Variants in BTBD7 observed in about 807,000 individuals in gnomAD.
BTBD7 encodes BTB/POZ domain-containing protein 7.
Under a neutral mutation model 99.9 loss-of-function variants are expected in BTBD7, and 38 were observed. That is an observed-to-expected ratio of 0.38 (90% CI 0.29 to 0.50). The LOEUF (loss-of-function observed/expected upper bound fraction) is 0.50. Ranked by LOEUF, BTBD7 falls within the 20% of genes least tolerant of loss-of-function variation. BTBD7 has a pLI of 0.93. For synonymous variants in BTBD7, 520 were observed against 511.4 expected (o/e 1.02, Z -0.23); for missense variants, 1,170 against 1,394.6 (o/e 0.84, Z 2.57).
intron 3 of BTBD7, among the ~76,000 whole-genome samples, chr14:93,267,477 C>T (rs757730652): frequency 6.6e-6 from 1 of 152,170 alleles, no homozygotes; most frequent in Non-Finnish European, 1.5e-5. Context: ...GTACCTAAGC[C>T]GAGTACCATG....
intron 1 of BTBD7, among the ~76,000 whole-genome samples, chr14:93,316,142 T>C (rs1289878343): frequency 5.3e-5 from 8 of 151,716 alleles, no homozygotes; most frequent in Non-Finnish European, 7.4e-5. Context: ...TTAGTAGAGA[T>C]AGGGTTTCAC....
intron 9 of BTBD7, among the ~76,000 whole-genome samples, chr14:93,247,489 G>T (rs2052326337): frequency 6.6e-6 from 1 of 152,126 alleles, no homozygotes; most frequent in Non-Finnish European, 1.5e-5. Flanking sequence ...GGGACTACAG[G>T]CCCACGCCAC....
At chr14:93,300,770 GTGTATATATA>G (rs2052992298) in intron 1 of BTBD7, among the ~76,000 whole-genome samples, 1 of 36,318 alleles carries the variant, frequency 2.8e-5, no homozygotes, top group Non-Finnish European at 4.8e-5. Flanking sequence ...GTGTGTGTGT[GTGTATATATA>G]TATATATTTT....
At chr14:93,252,991 T>A (rs758651219) in intron 7 of BTBD7, among the ~76,000 whole-genome samples, 3 of 152,102 alleles carry the variant, frequency 2.0e-5, no homozygotes, top group Non-Finnish European at 4.4e-5. Context: ...ACTGGCTAAA[T>A]TTTTCCTTTT....
chr14:93,318,596 T>C (rs1278348546), intron 1 of BTBD7, among the ~76,000 whole-genome samples: 1 of 152,172 alleles, frequency 6.6e-6, no homozygotes, highest in Non-Finnish European at 1.5e-5. Context: ...GAAATGCTGA[T>C]GATTTGGGGG....
intron 4 of BTBD7, among the ~76,000 whole-genome samples, chr14:93,262,463 C>T (rs1342183395): frequency 6.6e-6 from 1 of 152,096 alleles, no homozygotes; most frequent in East Asian, 1.9e-4. Flanking sequence ...TGGTCTCGTA[C>T]TTCCGGGCTC....
At chr14:93,251,359 A>C (rs1047777735) in intron 8 of BTBD7, 104 bp downstream of exon 8, 96 of 1,211,370 alleles carry the variant, frequency 7.9e-5, no homozygotes, top group Non-Finnish European at 1.0e-4. Context: ...AAAAGTATTG[A>C]AATGTGGAGA....
intron 1 of BTBD7, among the ~76,000 whole-genome samples, chr14:93,328,650 G>A (rs1003202930): frequency 3.4e-5 from 5 of 148,260 alleles, no homozygotes; most frequent in African/African-American, 9.9e-5. Context: ...TGGGCACAGT[G>A]GCTCACACCT....
intron 1 of BTBD7, among the ~76,000 whole-genome samples, chr14:93,312,816 A>G (rs2053153707): frequency 1.3e-5 from 2 of 152,222 alleles, no homozygotes; most frequent in Admixed American, 1.3e-4. Context: ...TCTCCCGTCC[A>G]GCCCACTGCC....
At chr14:93,328,790 C>T (rs146460247) in intron 1 of BTBD7, among the ~76,000 whole-genome samples, 1 of 152,126 alleles carries the variant, frequency 6.6e-6, no homozygotes, top group East Asian at 1.9e-4. Context: ...TGGATGTACG[C>T]ACCTGTAGTC....
chr14:93,326,680 C>T (rs1331562552), intron 1 of BTBD7, among the ~76,000 whole-genome samples: 1 of 151,798 alleles, frequency 6.6e-6, no homozygotes, highest in Non-Finnish European at 1.5e-5. Context: ...CGCGTACCTA[C>T]AGTCCCAGCT....
intron 1 of BTBD7, among the ~76,000 whole-genome samples, chr14:93,308,433 T>C (rs1343505139): frequency 6.6e-6 from 1 of 151,216 alleles, no homozygotes; most frequent in Non-Finnish European, 1.5e-5. Flanking sequence ...ATAAAGTAAA[T>C]AATTTTTAAA....
At chr14:93,315,257 AAC>A (rs965586376) in intron 1 of BTBD7, among the ~76,000 whole-genome samples, 6 of 152,304 alleles carry the variant, frequency 3.9e-5, no homozygotes, top group African/African-American at 1.4e-4. Flanking sequence ...AAGAGTTTAT[AAC>A]ACAGTTATTA....
chr14:93,253,590 CT>C, intron 7 of BTBD7, 56 bp downstream of exon 7: 2 of 1,486,532 alleles, frequency 1.3e-6, no homozygotes, highest in South Asian at 1.4e-5. Context: ...CAGTGAACCA[CT>C]TTGTGCATAT....
chr14:93,270,549 T>G (rs1049866149), intron 3 of BTBD7, among the ~76,000 whole-genome samples: 1 of 151,832 alleles, frequency 6.6e-6, no homozygotes, highest in African/African-American at 2.4e-5. Context: ...AAGAATTAGC[T>G]GGGTGTGGTG....
intron 1 of BTBD7, among the ~76,000 whole-genome samples, chr14:93,328,946 A>G (rs1281012854): frequency 6.6e-6 from 1 of 152,168 alleles, no homozygotes; most frequent in African/African-American, 2.4e-5. Flanking sequence ...ACATAGGGGA[A>G]AAGCTTCCTG....
At chr14:93,290,781 C>T (rs2139760697) in intron 3 of BTBD7, among the ~76,000 whole-genome samples, 1 of 152,142 alleles carries the variant, frequency 6.6e-6, no homozygotes, top group Middle Eastern at 3.4e-3. Context: ...ACCTCCATCT[C>T]CCGGGTTCAA....
intron 1 of BTBD7, among the ~76,000 whole-genome samples, chr14:93,311,066 T>C (rs2139804213): frequency 1.3e-5 from 2 of 152,328 alleles, no homozygotes; most frequent in East Asian, 3.9e-4. Flanking sequence ...TTACTTTTAT[T>C]TACTAATTTT....
chr14:93,288,662 T>C, intron 3 of BTBD7: 1 of 1,461,984 alleles, frequency 6.8e-7, no homozygotes, highest in African/African-American at 1.4e-5. Context: ...TAAGCAGCTG[T>C]TTGAAAGCTC....
Sources: allele counts gnomAD v4.1 joint callset (sites outside exome capture counted in the v4.1 genomes callset), GRCh38; gene constraint gnomAD v4.1.1; transcripts MANE v1.5; gene names NCBI Gene and HGNC (gene_info 2026-07-23, HGNC 2026-07-21).